The following YWHAZ variants were observed in gnomAD, a reference collection of about 807,000 sequenced individuals.
YWHAZ encodes the protein tyrosine 3-monooxygenase/tryptophan 5-monooxygenase activation protein zeta, also known as 14-3-3 protein zeta/delta.
For missense variants in YWHAZ, 79 were observed against 284.8 expected (o/e 0.28, Z 5.20); for synonymous variants, 87 against 103.6 (o/e 0.84, Z 0.97).
At chr8:100,949,509 T>C (rs1367248949) in intron 1 of YWHAZ, among the ~76,000 whole-genome samples, 1 of 152,128 alleles carries the variant, frequency 6.6e-6, no homozygotes, top group African/African-American at 2.4e-5. Flanking sequence ...GACCAACTGT[T>C]TGTTTTCAGA....
intron 2 of YWHAZ, among the ~76,000 whole-genome samples, chr8:100,928,211 C>T (rs1386822937): frequency 6.6e-6 from 1 of 151,784 alleles, no homozygotes; most frequent in African/African-American, 2.4e-5. Context: ...ACCCGGGAGG[C>T]GGAGCTTGCA....
rs1379624006 is a variant in YWHAZ at position 100,924,534 on chromosome 8, A to T, written c.419-236T>A. ...ATAATCTCATTATTGTTATGTTTTT[A>T]AAAAATTGACGAGTTTTGACATCCC... On this transcript the variant is annotated intron_variant, in intron 3 of 5. Coordinates refer to ENST00000395958, the MANE Select transcript of YWHAZ (RefSeq NM_145690.3). This position sits in a 1 kb window ranked among gnomAD's most constrained non-coding sequence, Gnocchi z 5.7. 6.6e-6 allele frequency among the ~76,000 whole-genome samples: 1 copy of T among 152,042 alleles called. No homozygotes were observed. The highest frequency in any genetic ancestry group is 1.5e-5 in the Non-Finnish European group (1 of 68,024).
chr8:100,943,924 T>A (rs1029654530), intron 2 of YWHAZ, among the ~76,000 whole-genome samples: 1 of 150,304 alleles, frequency 6.7e-6, no homozygotes, highest in Non-Finnish European at 1.5e-5. Context: ...AAGGCAGAGC[T>A]TGCAGTGAGC....
intron 2 of YWHAZ, among the ~76,000 whole-genome samples, chr8:100,944,258 G>A (rs955987122): frequency 1.3e-5 from 2 of 152,102 alleles, no homozygotes; most frequent in Non-Finnish European, 2.9e-5. Context: ...CCCAAGGCAC[G>A]TAATAATATA....
At chr8:100,933,169 G>A (rs1813878050) in intron 2 of YWHAZ, among the ~76,000 whole-genome samples, 1 of 152,222 alleles carries the variant, frequency 6.6e-6, no homozygotes, top group Admixed American at 6.5e-5. Context: ...GACCAGCCTG[G>A]CCAAGATGGT....
chr8:100,938,808 C>T (rs1814394799), intron 2 of YWHAZ, among the ~76,000 whole-genome samples: 1 of 152,194 alleles, frequency 6.6e-6, no homozygotes, highest in Admixed American at 6.5e-5. Flanking sequence ...CACTTGCTTT[C>T]AACCAATTAG....
rs957628980 is a variant in YWHAZ, at chr8:100,917,441, T to G, written c.*3252A>C. ...CCAATTTAAAAAAAACATACCAGGG[T>G]GGGCACAGTGGCTCACGCCTGTAAT... On this transcript the variant is annotated 3_prime_UTR_variant, in exon 6 of 6. Transcript: ENST00000395958. 1 of 151,954 alleles carries G rather than the reference T, an allele frequency of 6.6e-6. No individual in the cohort carries two copies. The highest frequency in any genetic ancestry group is 2.4e-5 in the African/African-American group (1 of 41,332). The allele number at this position is 151,954 out of a possible 1,614,324, so 9.4% of individuals were successfully genotyped here.
At chr8:100,920,827 A>G in intron 5 of YWHAZ, 75 bp from the exon 6 acceptor site, 1 of 1,107,340 alleles carries the variant, frequency 9.0e-7, no homozygotes, top group Non-Finnish European at 1.4e-6. Context: ...TATAAGTGCC[A>G]AGATACCTGA....
rs33984830 is a variant in YWHAZ, at chr8:100,940,062, C to CAAAA, written c.294+8530_294+8533dup. Among the ~76,000 whole-genome samples, 224 of 98,982 alleles carry CAAAA rather than the reference C, an allele frequency of 2.3e-3. 22 individuals carry two copies. In the East Asian group the frequency reaches 0.04, roughly 18 times the overall value. 64.9% of individuals were successfully genotyped at this position (98,982 alleles called of 152,430 possible). A position where few individuals can be genotyped will look rare whatever the true frequency, so the allele number is the denominator to read the frequency against. ...TGGGGGACAGAGCGAGACTCCGTCT[C>CAAAA]AAAAAAAAAAAAAAAAAGTGAAACA... On this transcript the variant is annotated intron_variant, in intron 2 of 5. Coordinates refer to ENST00000395958, the MANE Select transcript of YWHAZ (RefSeq NM_145690.3).
intron 1 of YWHAZ, among the ~76,000 whole-genome samples, chr8:100,949,989 G>A (rs1300841445): frequency 6.6e-6 from 1 of 152,192 alleles, no homozygotes; most frequent in Non-Finnish European, 1.5e-5. Context: ...TAAGTTAGAA[G>A]GTGAACAGAA....
intron 2 of YWHAZ, among the ~76,000 whole-genome samples, chr8:100,926,237 A>G (rs1031597361): frequency 6.6e-5 from 10 of 151,344 alleles, no homozygotes; most frequent in African/African-American, 2.2e-4. Context: ...AGCTACAGAT[A>G]ACCCAGATGA....
intron 5 of YWHAZ, 141 bp from the exon 6 acceptor site, chr8:100,920,893 T>A (rs1220816322): frequency 1.4e-6 from 1 of 730,648 alleles, no homozygotes; most frequent in Non-Finnish European, 2.3e-6. Context: ...AGCTTCAAGA[T>A]ACAAAAACAT....
In YWHAZ at chr8:100,920,609, A is replaced by G. The variant is rs1812938667; in HGVS notation, c.*84T>C. ...ATAAACCTGTCATAAATCGTAAACA[A>G]AAAACTATTTGTGGGACAGCATGGA... On this transcript the variant is annotated 3_prime_UTR_variant, in exon 6 of 6. Transcript: ENST00000395958. The G allele has an allele frequency of 7.9e-7, 1 of 1,268,366 alleles. No homozygotes were observed. The highest frequency in any genetic ancestry group is 1.1e-6 in the Non-Finnish European group (1 of 872,204). 78.6% of individuals were successfully genotyped at this position (1,268,366 alleles called of 1,614,324 possible).
intron 1 of YWHAZ, chr8:100,951,682 G>A: frequency 3.0e-6 from 3 of 985,372 alleles, no homozygotes; most frequent in Non-Finnish European, 3.6e-6. Flanking sequence ...CAGGACGGGG[G>A]AGCGAGCACC....
intron 2 of YWHAZ, among the ~76,000 whole-genome samples, chr8:100,941,439 A>C (rs1049873393): frequency 9.9e-5 from 15 of 152,212 alleles, no homozygotes; most frequent in African/African-American, 3.1e-4. Flanking sequence ...CTAATTTTTA[A>C]AAACTCTAGA....
chr8:100,928,413 G>A (rs752674048), intron 2 of YWHAZ, among the ~76,000 whole-genome samples: 33 of 152,162 alleles, frequency 2.2e-4, no homozygotes, highest in Non-Finnish European at 4.0e-4. Context: ...GGCTAACACT[G>A]TAGCTCAAAA....
intron 2 of YWHAZ, among the ~76,000 whole-genome samples, chr8:100,931,552 C>T (rs1324229011): frequency 6.6e-6 from 1 of 152,106 alleles, no homozygotes; most frequent in Non-Finnish European, 1.5e-5. Flanking sequence ...AACTCTAAAA[C>T]CAGGCAGACT....
intron 2 of YWHAZ, among the ~76,000 whole-genome samples, chr8:100,935,820 C>A (rs977982057): frequency 1.3e-5 from 2 of 152,232 alleles, no homozygotes; most frequent in Admixed American, 6.5e-5. Flanking sequence ...CTCCTCCTCA[C>A]CTTAATCTTC....
intron 2 of YWHAZ, among the ~76,000 whole-genome samples, chr8:100,946,077 T>C (rs1290180981): frequency 2.6e-5 from 4 of 152,180 alleles, no homozygotes; most frequent in African/African-American, 9.6e-5. Context: ...GGGAAGCCAG[T>C]GCTATTCTGG....
Sources: gnomAD v4.1 joint callset for allele counts (sites outside exome capture counted in the v4.1 genomes callset) on GRCh38, gnomAD v4.1.1 for gene constraint, Gnocchi (gnomAD v3.1) non-coding constraint, MANE v1.5 for transcripts, NCBI Gene and HGNC (gene_info 2026-07-23, HGNC 2026-07-21) for gene names.